The following ST6GALNAC6 variants were observed in gnomAD, a reference collection of about 807,000 sequenced individuals.
ST6GALNAC6 encodes the protein ST6 N-acetylgalactosaminide alpha-2,6-sialyltransferase 6.
Under a neutral mutation model 34.3 loss-of-function variants are expected in ST6GALNAC6, and 19 were observed. The observed-to-expected ratio is 0.55, with a 90% CI of 0.39 to 0.81. The LOEUF is 0.81. Ranked by LOEUF, ST6GALNAC6 falls within the 40% of genes least tolerant of loss-of-function variation. The pLI is 0.00. For missense variants in ST6GALNAC6, 377 were observed against 467.7 expected, an observed-to-expected ratio of 0.81 and a Z score of 1.79; for synonymous variants, 185 against 182.1, an observed-to-expected ratio of 1.02 and a Z score of -0.13.
At chr9:127,889,739 A>C (rs1830023834) in intron 5 of ST6GALNAC6, among the ~76,000 whole-genome samples, 1 of 152,160 alleles carries the variant, frequency 6.6e-6, no homozygotes, top group African/African-American at 2.4e-5. Context: ...TACCGCTCCC[A>C]GCCACAGAAA....
At chr9:127,893,774 C>A (rs1261384862) in intron 4 of ST6GALNAC6, among the ~76,000 whole-genome samples, 9 of 152,184 alleles carry the variant, frequency 5.9e-5, no homozygotes, top group Admixed American at 3.3e-4. Flanking sequence ...TGCTAATGTG[C>A]CCTTTCCTAG....
chr9:127,895,220 G>T (rs1338014097), intron 3 of ST6GALNAC6, among the ~76,000 whole-genome samples: 1 of 152,228 alleles, frequency 6.6e-6, no homozygotes, highest in Non-Finnish European at 1.5e-5. Context: ...AACTTTGTGA[G>T]TAGAGGGTGC....
chr9:127,886,608 G>C lies in ST6GALNAC6; in HGVS notation c.993C>G (p.Ser331=). ...CCACAGGCTGGGTGGCCTAGGTCCA[G>C]GAGGGGTGGGAGAAGGTGATGCCAT... ...QLYGITFSHP[S]WT Residue 331 remains serine (S), a synonymous_variant, in exon 7 of 7, where the codon TCC becomes TCG. Coordinates refer to ENST00000373146, the MANE Select transcript of ST6GALNAC6 (RefSeq NM_013443.5). 1.2e-6 allele frequency: 2 copies of C among 1,613,988 alleles called. No individual in the cohort carries two copies. Among genetic ancestry groups the C allele is most frequent in the Non-Finnish European group, 1.7e-6 (2 of 1,179,972 alleles).
At position 127,890,235 on chromosome 9, in the gene ST6GALNAC6, G is replaced by C. The variant is rs147190730; in HGVS notation, c.704+402C>G. Among the ~76,000 whole-genome samples, 44 of 152,304 alleles carry C rather than the reference G, an allele frequency of 2.9e-4. No homozygotes were observed. Among genetic ancestry groups the C allele is most frequent in the Non-Finnish European group, 6.3e-4 (43 of 68,012 alleles). On this transcript the variant is annotated intron_variant, in intron 5 of 6. Coordinates refer to ENST00000373146, the MANE Select transcript of ST6GALNAC6 (RefSeq NM_013443.5). This position sits in a 1 kb window ranked among gnomAD's most constrained non-coding sequence, Gnocchi z 4.3. ...GCATGCTGGGAGTGATGCATCGCTG[G>C]AGCAGAGCATGCCAGGAGCAACTGT...
rs766865007 is a variant in ST6GALNAC6, at chr9:127,890,987, C to T, written c.354G>A (p.Leu118=). The T allele has an allele frequency of 1.2e-6, 2 of 1,614,138 alleles. No individual in the cohort carries two copies. Among genetic ancestry groups the T allele is most frequent in the East Asian group, 2.2e-5 (1 of 44,886 alleles). The change falls in exon 5 of 7, where the codon CTG becomes CTA. Residue 118 remains leucine, a synonymous_variant. Transcript: ENST00000373146. The surrounding 1 kb of genome is among the most constrained non-coding windows in gnomAD (Gnocchi z 4.3). The part of the protein sequence containing the change: ...CVIVSSSSHL[L]GTKLGPEIER... ...CGATCTCAGGGCCCAGCTTGGTGCC[C>T]AGCAGGTGGCTGGAGCTGCTGACAA...
rs1200443128 is a variant in ST6GALNAC6, at chr9:127,890,069, C to T, written c.704+568G>A. Among the ~76,000 whole-genome samples, 1 of 152,150 alleles carries T rather than the reference C, an allele frequency of 6.6e-6. No individual in the cohort carries two copies. Among genetic ancestry groups the T allele is most frequent in the South Asian group, 2.1e-4 (1 of 4,824 alleles). On this transcript the variant is annotated intron_variant, in intron 5 of 6. Transcript: ENST00000373146. This position sits in a 1 kb window ranked among gnomAD's most constrained non-coding sequence, Gnocchi z 4.3. The stretch of plus-strand genomic sequence containing the variant: ...GCCTCAGCCTCCTGAGTAGCTAGGA[C>T]TACAGGTACAAGCCACCGCACACAG...
At position 127,890,897 on chromosome 9, in the gene ST6GALNAC6, G is replaced by T. The variant is rs746867952; in HGVS notation, c.444C>A (p.Gly148=). ...APTTGYSADV[G]NKTTYRVVAH... ...CCACGACGCGGTAGGTGGTCTTGTT[G>T]CCCACATCAGCTGAGTAGCCAGTGG... The change falls in exon 5 of 7, where the codon GGC becomes GGA. Residue 148 remains glycine, a synonymous_variant. Transcript: ENST00000373146. The surrounding 1 kb of genome is among the most constrained non-coding windows in gnomAD (Gnocchi z 4.3). 1 of 1,614,144 alleles carries T rather than the reference G, an allele frequency of 6.2e-7. No individual in the cohort carries two copies.
intron 4 of ST6GALNAC6, among the ~76,000 whole-genome samples, chr9:127,893,930 C>A (rs1830293341): frequency 6.6e-6 from 1 of 152,224 alleles, no homozygotes; most frequent in East Asian, 1.9e-4. Flanking sequence ...CCAAGGCCAA[C>A]AGAAGTCCCC....
chr9:127,906,545 T>C (rs1830920199), upstream of ST6GALNAC6, among the ~76,000 whole-genome samples: 1 of 152,168 alleles, frequency 6.6e-6, no homozygotes. Flanking sequence ...GCTCCACAGT[T>C]GTCCGGCTTC....
At chr9:127,902,158 T>C (rs190987864), upstream of ST6GALNAC6, among the ~76,000 whole-genome samples, 535 of 152,278 alleles carry the variant, frequency 3.5e-3, 4 homozygotes, top group African/African-American at 0.012. Context: ...TTAGTGTTTT[T>C]GGTTTTTTGT....
At chr9:127,894,801 G>T in intron 3 of ST6GALNAC6, 110 bp from the exon 4 acceptor site, 2 of 1,253,532 alleles carry the variant, frequency 1.6e-6, no homozygotes, top group African/African-American at 1.5e-5. Context: ...TGCAGACCAG[G>T]TCAGGCACTA....
chr9:127,887,435 G>A (rs1330118709), intron 6 of ST6GALNAC6, 49 bp downstream of exon 6: 1 of 1,510,792 alleles, frequency 6.6e-7, no homozygotes, highest in Admixed American at 1.8e-5. Flanking sequence ...CCATCCTGCG[G>A]CCAGTGCCTG....
chr9:127,905,284 C>T (rs570848965), exon 1 of ST6GALNAC6: 1 of 985,540 alleles, frequency 1.0e-6, no homozygotes, highest in East Asian at 1.1e-4. Context: ...TTCAGTAGAC[C>T]CCGAACCAGC....
chr9:127,903,484 T>C (rs1189370935), upstream of ST6GALNAC6: 2 of 152,220 alleles, frequency 1.3e-5, no homozygotes, highest in African/African-American at 4.8e-5. Context: ...TGTACTTATA[T>C]GGGAAGTTAA....
chr9:127,898,387 G>A (rs1368283062), intron 1 of ST6GALNAC6, among the ~76,000 whole-genome samples: 7 of 151,950 alleles, frequency 4.6e-5, no homozygotes, highest in East Asian at 1.9e-4. Flanking sequence ...GCGAGACTCC[G>A]TCTCAAAAAC....
upstream of ST6GALNAC6, among the ~76,000 whole-genome samples, chr9:127,900,935 G>C (rs1830731906): frequency 7.4e-6 from 1 of 135,626 alleles, no homozygotes; most frequent in South Asian, 2.5e-4. Flanking sequence ...AGTGAGCCGA[G>C]ATCATGCCAT....
chr9:127,892,616 C>T (rs558364242), intron 4 of ST6GALNAC6, among the ~76,000 whole-genome samples: 1 of 152,210 alleles, frequency 6.6e-6, no homozygotes, highest in Non-Finnish European at 1.5e-5. Context: ...CAGTCATTAT[C>T]TCTTAGCTTG....
upstream of ST6GALNAC6, chr9:127,905,414 C>G (rs904771533): frequency 1.0e-6 from 1 of 985,554 alleles, no homozygotes; most frequent in African/African-American, 1.7e-5. Context: ...GTAAATACCC[C>G]ACCCGAGGGT....
At position 127,886,590 on chromosome 9, in the gene ST6GALNAC6, C is replaced by T. The variant is rs997314755; in HGVS notation, c.*9G>A. On this transcript the variant is annotated 3_prime_UTR_variant, in exon 7 of 7. Coordinates refer to ENST00000373146, the MANE Select transcript of ST6GALNAC6 (RefSeq NM_013443.5). Reference sequence around the variant, plus strand: ...TCTGACCCTCCTGAGGTCCCACAGGCTGGGTGGCCTAGGTCCAGGAGGGGT... The same window carrying T: ...TCTGACCCTCCTGAGGTCCCACAGGTTGGGTGGCCTAGGTCCAGGAGGGGT... 1.9e-6 allele frequency: 3 copies of T among 1,613,628 alleles called. No homozygotes were observed. Among genetic ancestry groups the T allele is most frequent in the Non-Finnish European group, 2.5e-6 (3 of 1,179,748 alleles).
Sources: gnomAD v4.1 joint callset for allele counts (sites outside exome capture counted in the v4.1 genomes callset) on GRCh38, gnomAD v4.1.1 for gene constraint, Gnocchi (gnomAD v3.1) non-coding constraint, MANE v1.5 for transcripts, NCBI Gene and HGNC (gene_info 2026-07-23, HGNC 2026-07-21) for gene names.